Variants in RAB38 observed in about 807,000 individuals in gnomAD.
RAB38 encodes RAB38, member RAS oncogene family, also known as ras-related protein Rab-38.
A neutral mutation model predicts 18.4 loss-of-function variants in RAB38; 15 were observed. The ratio of observed to expected loss-of-function variants is 0.82; its 90% CI spans 0.55 to 1.26. RAB38 has a LOEUF of 1.26. RAB38 is among the 50% of genes most tolerant of loss of function. The pLI, the probability that RAB38 is intolerant of heterozygous loss-of-function variation, is 0.00. For missense variants in RAB38, 294 were observed against 267.4 expected (o/e 1.10, Z -0.69); for synonymous variants, 101 against 104.4 (o/e 0.97, Z 0.20).
chr11:87,968,061 A>C, the RAB38 span, among the ~76,000 whole-genome samples: 1 of 152,168 alleles, frequency 6.6e-6, no homozygotes, highest in Non-Finnish European at 1.5e-5. Context: ...TTGATATATG[A>C]CCTCTTGTTT....
At chr11:87,849,746 A>C in the RAB38 span, among the ~76,000 whole-genome samples, 1 of 152,192 alleles carries the variant, frequency 6.6e-6, no homozygotes, top group Non-Finnish European at 1.5e-5. Flanking sequence ...CCTGAATAAA[A>C]TTAATGAGTC....
At chr11:88,102,999 C>T in the RAB38 span, among the ~76,000 whole-genome samples, 1 of 151,028 alleles carries the variant, frequency 6.6e-6, no homozygotes, top group African/African-American at 2.5e-5. Context: ...TCCCATCTGC[C>T]ATGCCCTTCC....
chr11:88,062,110 C>G, the RAB38 span: 2 of 151,946 alleles, frequency 1.3e-5, no homozygotes, highest in African/African-American at 4.8e-5. Flanking sequence ...CAGTTAAATA[C>G]TGATATGGTT....
chr11:88,136,294 T>C lies in RAB38; in HGVS notation c.483+13381A>G, dbSNP rs539885588. Among the ~76,000 whole-genome samples the C allele has an allele frequency of 8.5e-5, 13 of 152,088 alleles. 1 individual carries two copies. In the South Asian group the frequency reaches 2.3e-3, roughly 27 times the overall value. On this transcript the variant is annotated intron_variant, in intron 2 of 2. Coordinates refer to ENST00000243662, the MANE Select transcript of RAB38 (RefSeq NM_022337.3). ...CAAGAAATCAATACCTCGGTAGCAG[T>C]GAAGTAGATGGAGATGAAACAGAAG...
At chr11:88,057,167 C>A in the RAB38 span, among the ~76,000 whole-genome samples, 1 of 152,168 alleles carries the variant, frequency 6.6e-6, no homozygotes, top group Non-Finnish European at 1.5e-5. Flanking sequence ...CTGAGACAAG[C>A]ATGCACAGAA....
the RAB38 span, among the ~76,000 whole-genome samples, chr11:88,013,384 C>T: frequency 2.7e-4 from 41 of 151,900 alleles, no homozygotes; most frequent in African/African-American, 7.7e-4. Context: ...AAGTGAATGC[C>T]GTTTTATTTT....
chr11:87,872,084 T>G, the RAB38 span, among the ~76,000 whole-genome samples: 1 of 151,608 alleles, frequency 6.6e-6, no homozygotes, highest in Non-Finnish European at 1.5e-5. Context: ...GAATTTACAT[T>G]TCTACCAACA....
the RAB38 span, among the ~76,000 whole-genome samples, chr11:87,910,183 C>A: frequency 6.6e-6 from 1 of 151,268 alleles, no homozygotes; most frequent in Non-Finnish European, 1.5e-5. Flanking sequence ...TGGTATCTTA[C>A]TATAGTTTCA....
the RAB38 span, among the ~76,000 whole-genome samples, chr11:87,883,089 T>C: frequency 6.6e-6 from 1 of 151,900 alleles, no homozygotes; most frequent in African/African-American, 2.4e-5. Flanking sequence ...AGTATAGAAA[T>C]ACTCTTTGTA....
the RAB38 span, among the ~76,000 whole-genome samples, chr11:87,925,786 G>T: frequency 6.6e-6 from 1 of 152,022 alleles, no homozygotes; most frequent in Admixed American, 6.6e-5. Context: ...AGGATGGGCT[G>T]TCTGTTGAGG....
chr11:87,971,868 G>A, the RAB38 span, among the ~76,000 whole-genome samples: 1 of 151,626 alleles, frequency 6.6e-6, no homozygotes, highest in African/African-American at 2.4e-5. Flanking sequence ...TAGACAGAAT[G>A]CACATGTTCA....
At chr11:87,946,490 T>A in the RAB38 span, among the ~76,000 whole-genome samples, 1 of 152,152 alleles carries the variant, frequency 6.6e-6, no homozygotes, top group Non-Finnish European at 1.5e-5. Flanking sequence ...GCTGCACCCA[T>A]TAACTCCTCA....
chr11:87,887,786 A>G, the RAB38 span, among the ~76,000 whole-genome samples: 1 of 151,936 alleles, frequency 6.6e-6, no homozygotes, highest in African/African-American at 2.4e-5. Context: ...GGGACATTTT[A>G]AACTTGGATT....
At chr11:88,026,674 G>C in the RAB38 span, among the ~76,000 whole-genome samples, 1 of 151,270 alleles carries the variant, frequency 6.6e-6, no homozygotes, top group South Asian at 2.1e-4. Context: ...CACTGCACCC[G>C]GCCGTTTTCT....
At chr11:87,853,266 A>G in the RAB38 span, among the ~76,000 whole-genome samples, 6 of 152,162 alleles carry the variant, frequency 3.9e-5, no homozygotes, top group Non-Finnish European at 8.8e-5. Flanking sequence ...TCCTAATATT[A>G]TGGTATGTAG....
the RAB38 span, among the ~76,000 whole-genome samples, chr11:87,920,169 TCTTC>T: frequency 6.6e-6 from 1 of 151,936 alleles, no homozygotes; most frequent in Non-Finnish European, 1.5e-5. Context: ...TTTATTATTT[TCTTC>T]CTTCTGCTAA....
At chr11:87,827,878 G>C in the RAB38 span, among the ~76,000 whole-genome samples, 2 of 152,142 alleles carry the variant, frequency 1.3e-5, no homozygotes, top group Non-Finnish European at 2.9e-5. Context: ...GATTTCTAGA[G>C]GGAAAAAGAT....
the RAB38 span, among the ~76,000 whole-genome samples, chr11:88,034,152 T>C: frequency 5.9e-5 from 9 of 152,268 alleles, no homozygotes; most frequent in African/African-American, 1.9e-4. Flanking sequence ...TTATACTGTA[T>C]GTAACCATTT....
chr11:87,958,734 C>T, the RAB38 span, among the ~76,000 whole-genome samples: 2 of 152,072 alleles, frequency 1.3e-5, no homozygotes, highest in African/African-American at 2.4e-5. Flanking sequence ...GGACTAGCTC[C>T]AATAATAAGC....
Sources: gnomAD v4.1 joint callset for allele counts (sites outside exome capture counted in the v4.1 genomes callset) on GRCh38, gnomAD v4.1.1 for gene constraint, MANE v1.5 for transcripts, NCBI Gene and HGNC (gene_info 2026-07-23, HGNC 2026-07-21) for gene names.